PCSK6: variants seen among roughly 807,000 people sequenced by gnomAD.
The protein encoded by PCSK6 is paired basic amino acid cleaving enzyme 4.
A neutral mutation model predicts 123.3 loss-of-function variants in PCSK6; 85 were observed. The ratio of observed to expected loss-of-function variants is 0.69; its 90% CI spans 0.58 to 0.83. The LOEUF is 0.83. PCSK6 is among the 40% of genes least tolerant of loss of function. The probability of loss-of-function intolerance (pLI) is 0.00; values close to 1 mark genes in which losing one functional copy is unlikely to be tolerated. For missense variants in PCSK6, 1,191 were observed against 1,282.3 expected, an observed-to-expected ratio of 0.93 and a Z score of 1.09; for synonymous variants, 508 against 516.0, an observed-to-expected ratio of 0.98 and a Z score of 0.21.
In PCSK6 at chr15:101,305,414, A is replaced by C. The variant is rs1466886882; in HGVS notation, c.2813-59T>G. On this transcript the variant is annotated intron_variant, in intron 21 of 21. Coordinates refer to ENST00000611716, the MANE Select transcript of PCSK6 (RefSeq NM_002570.5). This position sits in a 1 kb window ranked among gnomAD's most constrained non-coding sequence, Gnocchi z 4.8. ...AAAGGTCAGTCTTCGGTGCCTGTGAAGATTGTTTCAAGGCCGGGCGCGGTG... is the reference window on the plus strand; with the variant it reads ...AAAGGTCAGTCTTCGGTGCCTGTGACGATTGTTTCAAGGCCGGGCGCGGTG... 1 of 1,460,276 alleles carries C rather than the reference A, an allele frequency of 6.8e-7. No homozygotes were observed. The highest frequency in any genetic ancestry group is 9.4e-7 in the Non-Finnish European group (1 of 1,061,114). 90.5% of individuals were successfully genotyped at this position (1,460,276 alleles called of 1,614,324 possible).
chr15:101,370,486 G>C lies in PCSK6; in HGVS notation c.1570C>G (p.Leu524Val). The change falls in exon 12 of 22, where the codon CTG (leucine) becomes GTG (valine). Residue 524 changes from leucine to valine, a missense_variant. Physicochemically the swap from Leu to Val is conservative, Grantham distance 32 (BLOSUM62 1). Coordinates refer to ENST00000611716, the MANE Select transcript of PCSK6 (RefSeq NM_002570.5). Reference sequence around the variant, plus strand: ...GAGTGCTCCGCGCAGGCGCTGGTCAGGGCCGTAGTCCGCAGCACCTGCACT... The same window carrying C: ...GAGTGCTCCGCGCAGGCGCTGGTCACGGCCGTAGTCCGCAGCACCTGCACT... ...PLVQVLRTTA[L>V]TSACAEHSDQ... The C allele has an allele frequency of 6.5e-7, 1 of 1,540,704 alleles. No homozygotes were observed. The highest frequency in any genetic ancestry group is 1.2e-5 in the South Asian group (1 of 82,804).
At chr15:101,405,838 G>C (rs998974959) in intron 6 of PCSK6, among the ~76,000 whole-genome samples, 1 of 152,036 alleles carries the variant, frequency 6.6e-6, no homozygotes, top group African/African-American at 2.4e-5. Context: ...CGCCTCCCAG[G>C]TTCGAGCGAT....
At chr15:101,480,601 C>T (rs1014778178) in intron 1 of PCSK6, among the ~76,000 whole-genome samples, 1 of 152,222 alleles carries the variant, frequency 6.6e-6, no homozygotes, top group Non-Finnish European at 1.5e-5. Flanking sequence ...CCTCCAGATG[C>T]TCAAAGGGCA....
At chr15:101,410,090 G>A (rs141545171) in intron 6 of PCSK6, among the ~76,000 whole-genome samples, 1 of 152,276 alleles carries the variant, frequency 6.6e-6, no homozygotes, top group East Asian at 1.9e-4. Context: ...AAGCCACCAT[G>A]CCTGGCTAAT....
At chr15:101,412,904 C>T (rs2055747287) in intron 6 of PCSK6, among the ~76,000 whole-genome samples, 2 of 151,568 alleles carry the variant, frequency 1.3e-5, no homozygotes, top group Admixed American at 1.3e-4. Context: ...CGGAGGATTG[C>T]TTGTGCCCAG....
chr15:101,424,301 G>A (rs1312882607), intron 6 of PCSK6, among the ~76,000 whole-genome samples: 1 of 151,046 alleles, frequency 6.6e-6, no homozygotes, highest in Non-Finnish European at 1.5e-5. Context: ...CAATAAGGAT[G>A]GCAATTAACA....
At chr15:101,378,455 C>T (rs1303006387) in intron 11 of PCSK6, among the ~76,000 whole-genome samples, 2 of 152,246 alleles carry the variant, frequency 1.3e-5, no homozygotes, top group African/African-American at 2.4e-5. Flanking sequence ...GATTTCCTCT[C>T]GCCTCTGCAT....
In PCSK6 at chr15:101,313,512, G is replaced by A; in HGVS notation, c.2570-7C>T. On this transcript the variant is annotated splice_polypyrimidine_tract_variant and splice_region_variant and intron_variant, in intron 19 of 21. Coordinates refer to ENST00000611716, the MANE Select transcript of PCSK6 (RefSeq NM_002570.5). The stretch of plus-strand genomic sequence containing the variant: ...CACTCTTCTCTGCCTGGCCCTGAGA[G>A]ACACAGGAAAAGAAGCAGGTATCAG... 6.3e-7 allele frequency: 1 copy of A among 1,590,760 alleles called. No individual in the cohort carries two copies.
chr15:101,337,056 G>C (rs2040496690), intron 13 of PCSK6: 1 of 151,810 alleles, frequency 6.6e-6, no homozygotes, highest in African/African-American at 2.4e-5. Context: ...CCCGGCTGGA[G>C]TGCAGTGGCA....
At chr15:101,487,701 T>G (rs964760666) in intron 1 of PCSK6, among the ~76,000 whole-genome samples, 2 of 152,162 alleles carry the variant, frequency 1.3e-5, no homozygotes, top group African/African-American at 4.8e-5. Context: ...CTGGGCCACC[T>G]GGGCACAGCA....
intron 15 of PCSK6, 96 bp downstream of exon 15, chr15:101,331,555 T>C (rs2040370765): frequency 8.5e-7 from 1 of 1,172,862 alleles, no homozygotes; most frequent in African/African-American, 1.5e-5. Flanking sequence ...GTGGCTAACT[T>C]ACCAGGGGGC....
At chr15:101,406,275 G>A (rs182223779) in intron 6 of PCSK6, among the ~76,000 whole-genome samples, 70 of 152,236 alleles carry the variant, frequency 4.6e-4, no homozygotes, top group Non-Finnish European at 7.9e-4. Context: ...TGCCCGGGGG[G>A]ATAACGGCTG....
intron 15 of PCSK6, among the ~76,000 whole-genome samples, chr15:101,327,474 A>G (rs1481406075): frequency 1.3e-5 from 2 of 152,144 alleles, no homozygotes; most frequent in Non-Finnish European, 1.5e-5. Context: ...TACGCTGGGA[A>G]ACGGCCCAGG....
intron 1 of PCSK6, among the ~76,000 whole-genome samples, chr15:101,483,092 G>A (rs931501637): frequency 1.1e-4 from 16 of 152,168 alleles, no homozygotes; most frequent in African/African-American, 1.7e-4. Context: ...CAGGCCAGCC[G>A]CGCACAGCCA....
At chr15:101,485,957 ATTTTT>A (rs11303524) in intron 1 of PCSK6, among the ~76,000 whole-genome samples, 22 of 116,088 alleles carry the variant, frequency 1.9e-4, no homozygotes, top group Admixed American at 7.5e-4. Flanking sequence ...ATTTATTTAA[ATTTTT>A]TTTTTTTTTT....
At chr15:101,390,816 C>T (rs949583682) in intron 8 of PCSK6, among the ~76,000 whole-genome samples, 3 of 152,196 alleles carry the variant, frequency 2.0e-5, no homozygotes, top group African/African-American at 7.2e-5. Context: ...GGCTCCTGGA[C>T]TTCTGGCCTA....
At chr15:101,464,700 A>T (rs778943284) in intron 1 of PCSK6, among the ~76,000 whole-genome samples, 36 of 152,108 alleles carry the variant, frequency 2.4e-4, no homozygotes, top group Non-Finnish European at 4.9e-4. Context: ...CTACTGCGTG[A>T]CACCCTGTTA....
chr15:101,337,228 C>T (rs1326716451), intron 13 of PCSK6: 1 of 152,226 alleles, frequency 6.6e-6, no homozygotes, highest in Non-Finnish European at 1.5e-5. Flanking sequence ...TGGTCTTGGT[C>T]TCTTGACCTT....
chr15:101,471,771 C>T (rs941867936), intron 1 of PCSK6, among the ~76,000 whole-genome samples: 1 of 152,192 alleles, frequency 6.6e-6, no homozygotes, highest in Non-Finnish European at 1.5e-5. Flanking sequence ...CAGAAAGTCT[C>T]GCATGTGCCT....
Sources: allele counts gnomAD v4.1 joint callset (sites outside exome capture counted in the v4.1 genomes callset), GRCh38; gene constraint gnomAD v4.1.1; non-coding constraint Gnocchi (gnomAD v3.1); transcripts MANE v1.5; gene names NCBI Gene and HGNC (gene_info 2026-07-23, HGNC 2026-07-21).